The following SLC16A12 variants were observed in gnomAD, a reference collection of about 807,000 sequenced individuals.
SLC16A12 encodes monocarboxylate transporter 12.
Under a neutral mutation model 42.4 loss-of-function variants are expected in SLC16A12, and 17 were observed. The ratio of observed to expected loss-of-function variants is 0.40; its 90% CI spans 0.27 to 0.60. The LOEUF (loss-of-function observed/expected upper bound fraction) is 0.60, where lower values mean the gene tolerates loss of function less well. SLC16A12 is among the 20% of genes least tolerant of loss of function. SLC16A12 has a pLI of 0.42. For missense variants in SLC16A12, 544 were observed against 623.0 expected (o/e 0.87, Z 1.35); for synonymous variants, 224 against 229.4 (o/e 0.98, Z 0.21).
At chr10:89,513,603 C>A (rs920076295) in intron 2 of SLC16A12, among the ~76,000 whole-genome samples, 13 of 151,972 alleles carry the variant, frequency 8.6e-5, no homozygotes, top group Non-Finnish European at 1.3e-4. Context: ...AAAATGTATA[C>A]CTTGAAACAT....
Position 89,481,664 on chromosome 10 carries a change from T to TGTGTGAGAGAGA in SLC16A12, c.-46-19041_-46-19040insTCTCTCTCACAC, listed in dbSNP as rs559651910. On this transcript the variant is annotated intron_variant, in intron 2 of 7. Transcript: ENST00000371790. ...TTTCTTGTGTGTGTGTGTGTGTGTG[T>TGTGTGAGAGAGA]GAGAGAGAGAGAGAGTGTGTGTGTG... Among the ~76,000 whole-genome samples, 12 of 139,638 alleles carry TGTGTGAGAGAGA rather than the reference T, an allele frequency of 8.6e-5. No homozygotes were observed. The East Asian group carries it at 2.5e-3, about 29-fold the overall frequency. The allele number at this position is 139,638 out of a possible 152,430, so 91.6% of individuals were successfully genotyped here.
chr10:89,512,548 T>C (rs1194758016), intron 2 of SLC16A12, among the ~76,000 whole-genome samples: 1 of 152,132 alleles, frequency 6.6e-6, no homozygotes, highest in Non-Finnish European at 1.5e-5. Context: ...TTATTGCCTA[T>C]GCAATTATGC....
intron 2 of SLC16A12, among the ~76,000 whole-genome samples, chr10:89,554,939 G>T (rs548052764): frequency 1.3e-5 from 2 of 152,186 alleles, no homozygotes; most frequent in East Asian, 1.9e-4. Context: ...GGCTCCGCAA[G>T]CAGGTATTTT....
At chr10:89,504,317 A>G (rs1203524179) in intron 2 of SLC16A12, among the ~76,000 whole-genome samples, 1 of 152,232 alleles carries the variant, frequency 6.6e-6, no homozygotes, top group East Asian at 1.9e-4. Context: ...CTAGTTGGAA[A>G]GAGGCTCTTA....
chr10:89,537,262 C>T (rs1394816983), upstream of SLC16A12, among the ~76,000 whole-genome samples: 1 of 150,674 alleles, frequency 6.6e-6, no homozygotes, highest in Non-Finnish European at 1.5e-5. Context: ...ATTGCAGTCT[C>T]GAACTCCTAG....
At chr10:89,555,566 C>T (rs10881602) in intron 2 of SLC16A12, among the ~76,000 whole-genome samples, 5,514 of 93,774 alleles carry the variant, frequency 0.059, 158 homozygotes, top group Middle Eastern at 0.12. Flanking sequence ...TATACATATA[C>T]GTATATGTAT....
chr10:89,445,864 G>A (rs749777992), intron 3 of SLC16A12, among the ~76,000 whole-genome samples: 5 of 152,124 alleles, frequency 3.3e-5, no homozygotes, highest in Non-Finnish European at 7.4e-5. Context: ...CTTGAAAAAC[G>A]ATTAGAGGAA....
intron 2 of SLC16A12, among the ~76,000 whole-genome samples, chr10:89,525,066 A>G (rs1843426232): frequency 6.6e-6 from 1 of 152,032 alleles, no homozygotes; most frequent in East Asian, 1.9e-4. Flanking sequence ...AAAATACAAA[A>G]AAAAATTCCC....
At chr10:89,464,785 A>G (rs1227377424) in intron 2 of SLC16A12, among the ~76,000 whole-genome samples, 1 of 152,196 alleles carries the variant, frequency 6.6e-6, no homozygotes, top group African/African-American at 2.4e-5. Context: ...AGTGAGGCCA[A>G]GGCAACAAGA....
intron 2 of SLC16A12, among the ~76,000 whole-genome samples, chr10:89,471,767 C>T (rs1842498457): frequency 1.3e-5 from 2 of 152,152 alleles, no homozygotes. Context: ...GTTCCAATTG[C>T]TTCGCAACTT....
rs188899503 is a variant in SLC16A12 at position 89,473,269 on chromosome 10, A to G, written c.-46-10645T>C. Among the ~76,000 whole-genome samples the G allele has an allele frequency of 2.8e-4, 43 of 152,350 alleles. No individual in the cohort carries two copies. In the East Asian group the frequency reaches 7.1e-3, roughly 25 times the overall value. ...TTAACTGATTTCAAGACTTGTTCTA[A>G]AACCAGAGTAATCAAAACAGTGTGA... On this transcript the variant is annotated intron_variant, in intron 2 of 7. Coordinates refer to ENST00000371790, the MANE Select transcript of SLC16A12 (RefSeq NM_213606.4).
intron 7 of SLC16A12, among the ~76,000 whole-genome samples, chr10:89,435,777 C>T (rs1158817776): frequency 6.6e-6 from 1 of 152,086 alleles, no homozygotes; most frequent in Non-Finnish European, 1.5e-5. Flanking sequence ...TGAACAACTG[C>T]TCCATCCCCC....
chr10:89,529,584 G>C (rs1013534303), intron 2 of SLC16A12, among the ~76,000 whole-genome samples: 5 of 127,586 alleles, frequency 3.9e-5, no homozygotes, highest in African/African-American at 1.2e-4. Flanking sequence ...GTCTCTCTCT[G>C]TTGCCCAGGC....
At chr10:89,451,558 C>T (rs979665246) in intron 3 of SLC16A12, among the ~76,000 whole-genome samples, 5 of 152,002 alleles carry the variant, frequency 3.3e-5, no homozygotes, top group African/African-American at 1.2e-4. Flanking sequence ...ATTACAGGCG[C>T]CCGCCACCAT....
intron 2 of SLC16A12, among the ~76,000 whole-genome samples, chr10:89,523,500 T>C (rs1320066595): frequency 6.6e-6 from 1 of 152,182 alleles, no homozygotes; most frequent in African/African-American, 2.4e-5. Context: ...GACCTCTCTG[T>C]CATGACTAAA....
At chr10:89,477,049 G>A (rs1842592637) in intron 2 of SLC16A12, among the ~76,000 whole-genome samples, 4 of 152,208 alleles carry the variant, frequency 2.6e-5, no homozygotes, top group Admixed American at 2.6e-4. Flanking sequence ...TAAGACGGGG[G>A]CTTGAATTTC....
At position 89,496,051 on chromosome 10, in the gene SLC16A12, T is replaced by C. The variant is rs74146956; in HGVS notation, c.-46-33427A>G. 8.8e-3 allele frequency among the ~76,000 whole-genome samples: 1,343 copies of C among 152,236 alleles called. 21 individuals carry two copies. The highest frequency in any genetic ancestry group is 0.031 in the African/African-American group (1,280 of 41,530). ...TGAACAACCAAAGATCATCAAATAG[T>C]TAAGAAATTACCATATAATTAGGAA... is the stretch of plus-strand genomic sequence containing the variant. On this transcript the variant is annotated intron_variant, in intron 2 of 7. Transcript: ENST00000371790.
chr10:89,550,679 C>T (rs1843765379), intron 2 of SLC16A12, among the ~76,000 whole-genome samples: 1 of 151,698 alleles, frequency 6.6e-6, no homozygotes, highest in Non-Finnish European at 1.5e-5. Context: ...TACATCATCT[C>T]GTGCCACACT....
chr10:89,492,090 C>T (rs188913727), intron 2 of SLC16A12, among the ~76,000 whole-genome samples: 240 of 152,222 alleles, frequency 1.6e-3, no homozygotes, highest in Non-Finnish European at 6.8e-4. Flanking sequence ...GATGTTGTCA[C>T]CTTTGAGACT....
Sources: gnomAD v4.1 joint callset for allele counts (sites outside exome capture counted in the v4.1 genomes callset) on GRCh38, gnomAD v4.1.1 for gene constraint, MANE v1.5 for transcripts, NCBI Gene and HGNC (gene_info 2026-07-23, HGNC 2026-07-21) for gene names.